The following DKK2 variants were observed in gnomAD, a reference collection of about 807,000 sequenced individuals.
DKK2 encodes the protein dickkopf-related protein 2.
DKK2 carries 11 observed loss-of-function variants against 28.1 expected under a neutral mutation model. The observed-to-expected ratio is 0.39, with a 90% CI of 0.25 to 0.65. The LOEUF is 0.65. Ranked by LOEUF, DKK2 falls within the 30% of genes least tolerant of loss-of-function variation. The pLI, the probability that DKK2 is intolerant of heterozygous loss-of-function variation, is 0.47. For missense variants in DKK2, 326 were observed against 335.5 expected (o/e 0.97, Z 0.22); for synonymous variants, 135 against 126.5 (o/e 1.07, Z -0.45).
At position 107,035,694 on chromosome 4, in the gene DKK2, C is replaced by T. The variant is rs3733636; in HGVS notation, c.-103G>A. ...GGGCCCCTCACTTGGGTCGCGGGGG[C>T]TTGCAGATTGTGTTCCCTCAACCCT... is the stretch of plus-strand genomic sequence containing the variant. On this transcript the variant is annotated 5_prime_UTR_variant, in exon 1 of 4. Transcript: ENST00000285311. 1.2e-4 allele frequency: 149 copies of T among 1,217,864 alleles called. 2 individuals carry two copies. The East Asian group carries it at 3.5e-3, about 28-fold the overall frequency. The allele number at this position is 1,217,864 out of a possible 1,614,324, so 75.4% of individuals were successfully genotyped here.
chr4:107,006,715 G>T (rs1311803118), intron 1 of DKK2, among the ~76,000 whole-genome samples: 1 of 152,168 alleles, frequency 6.6e-6, no homozygotes, highest in Non-Finnish European at 1.5e-5. Context: ...CAAGTGAAAA[G>T]GCAGCTGAGA....
chr4:107,017,194 C>T (rs1208993843), intron 1 of DKK2, among the ~76,000 whole-genome samples: 1 of 151,980 alleles, frequency 6.6e-6, no homozygotes, highest in Admixed American at 6.6e-5. Flanking sequence ...ATCAAGCTCA[C>T]CATTCTGTAG....
rs141696634 is a variant in DKK2, at chr4:107,028,508, A to G, written c.222+6862T>C. 4.8e-3 allele frequency among the ~76,000 whole-genome samples: 732 copies of G among 152,228 alleles called. 4 individuals carry two copies. The highest frequency in any genetic ancestry group is 0.017 in the African/African-American group (703 of 41,520). On this transcript the variant is annotated intron_variant, in intron 1 of 3. Coordinates refer to ENST00000285311, the MANE Select transcript of DKK2 (RefSeq NM_014421.3). ...CTCACCATTGCCCAGTAAGTTAAGT[A>G]TTATTACTCTTACGTTATTGTTGTT...
chr4:106,978,215 G>A (rs1722972658), intron 1 of DKK2, among the ~76,000 whole-genome samples: 1 of 152,066 alleles, frequency 6.6e-6, no homozygotes, highest in Admixed American at 6.5e-5. Flanking sequence ...GAGGCACGGG[G>A]CTCAGGGACC....
At chr4:106,950,092 T>A (rs1260786938) in intron 1 of DKK2, among the ~76,000 whole-genome samples, 1 of 152,144 alleles carries the variant, frequency 6.6e-6, no homozygotes, top group Non-Finnish European at 1.5e-5. Flanking sequence ...GTCAAGAAGG[T>A]CTCAGTAGAT....
intron 1 of DKK2, among the ~76,000 whole-genome samples, chr4:107,015,388 T>C (rs1023190577): frequency 9.9e-5 from 15 of 151,634 alleles, no homozygotes; most frequent in African/African-American, 3.6e-4. Flanking sequence ...TACCCATTTT[T>C]ACTGGATTGT....
At chr4:106,973,828 G>C (rs1406049304) in intron 1 of DKK2, among the ~76,000 whole-genome samples, 1 of 152,122 alleles carries the variant, frequency 6.6e-6, no homozygotes, top group Non-Finnish European at 1.5e-5. Context: ...GTCCTGAATG[G>C]TATTGCCTAG....
intron 1 of DKK2, among the ~76,000 whole-genome samples, chr4:106,945,602 T>A (rs1025277411): frequency 5.3e-5 from 8 of 152,138 alleles, no homozygotes; most frequent in African/African-American, 1.9e-4. Context: ...TCATGTGTTC[T>A]GTTCACGTCT....
At chr4:106,980,903 T>G (rs980675949) in intron 1 of DKK2, among the ~76,000 whole-genome samples, 49 of 152,290 alleles carry the variant, frequency 3.2e-4, no homozygotes, top group Non-Finnish European at 7.2e-4. Context: ...TGCTACCAAA[T>G]TTTTTAAAAA....
intron 1 of DKK2, among the ~76,000 whole-genome samples, chr4:106,948,646 T>C (rs963206495): frequency 6.6e-6 from 1 of 152,200 alleles, no homozygotes; most frequent in African/African-American, 2.4e-5. Flanking sequence ...GTATCTCTTA[T>C]AGTACATCTG....
chr4:106,927,341 G>A (rs549503433), intron 1 of DKK2, among the ~76,000 whole-genome samples: 34 of 152,000 alleles, frequency 2.2e-4, no homozygotes, highest in Admixed American at 5.9e-4. Flanking sequence ...CATGTTTTCC[G>A]TTTAGGTGAT....
chr4:106,962,406 G>A (rs1484094400), intron 1 of DKK2, among the ~76,000 whole-genome samples: 2 of 151,718 alleles, frequency 1.3e-5, no homozygotes, highest in Non-Finnish European at 2.9e-5. Context: ...TCCAGGCATT[G>A]ACAGCCAACT....
At chr4:106,974,796 G>A (rs574833054) in intron 1 of DKK2, among the ~76,000 whole-genome samples, 33 of 152,276 alleles carry the variant, frequency 2.2e-4, no homozygotes, top group Admixed American at 1.4e-3. Context: ...GGAGTGGTGA[G>A]AGAAGGCATC....
chr4:106,930,089 A>T (rs1205900279), intron 1 of DKK2, among the ~76,000 whole-genome samples: 1 of 152,340 alleles, frequency 6.6e-6, no homozygotes, highest in African/African-American at 2.4e-5. Context: ...GAAAAAGAGA[A>T]TACTGGCAGA....
At position 106,922,958 on chromosome 4, in the gene DKK2, T is replaced by C. The variant is rs897042363; in HGVS notation, c.*996A>G. 1 of 152,216 alleles carries C rather than the reference T, an allele frequency of 6.6e-6. No homozygotes were observed. Among genetic ancestry groups the C allele is most frequent in the Admixed American group, 6.6e-5 (1 of 15,256 alleles). 9.4% of individuals were successfully genotyped at this position (152,216 alleles called of 1,614,324 possible). A position where few individuals can be genotyped will look rare whatever the true frequency, so the allele number is the denominator to read the frequency against. ...CTCAAGTCTCTATTACCACAGAGTA[T>C]GTATGAATACATGTATTTACCAATC... On this transcript the variant is annotated 3_prime_UTR_variant, in exon 4 of 4. Coordinates refer to ENST00000285311, the MANE Select transcript of DKK2 (RefSeq NM_014421.3).
At chr4:106,944,882 G>A (rs1048294013) in intron 1 of DKK2, among the ~76,000 whole-genome samples, 3 of 152,018 alleles carry the variant, frequency 2.0e-5, no homozygotes, top group South Asian at 4.1e-4. Flanking sequence ...CAAACAGGAT[G>A]GATTACTGTC....
chr4:107,000,232 G>C (rs1375434534), intron 1 of DKK2, among the ~76,000 whole-genome samples: 1 of 151,914 alleles, frequency 6.6e-6, no homozygotes, highest in Non-Finnish European at 1.5e-5. Flanking sequence ...TTTTGCTATG[G>C]ATTTTTCTTT....
At chr4:106,976,737 C>T (rs1211094971) in intron 1 of DKK2, among the ~76,000 whole-genome samples, 1 of 152,186 alleles carries the variant, frequency 6.6e-6, no homozygotes, top group African/African-American at 2.4e-5. Context: ...AGCCCATTTA[C>T]ATTTAAGGTT....
intron 1 of DKK2, among the ~76,000 whole-genome samples, chr4:106,976,778 A>C (rs13116775): frequency 0.2 from 30,687 of 152,168 alleles, 3,392 homozygotes; most frequent in East Asian, 0.42. Flanking sequence ...TGATTCTGTC[A>C]TGATGACGCT....
Sources: allele counts gnomAD v4.1 joint callset (sites outside exome capture counted in the v4.1 genomes callset), GRCh38; gene constraint gnomAD v4.1.1; transcripts MANE v1.5; gene names NCBI Gene and HGNC (gene_info 2026-07-23, HGNC 2026-07-21).